The following ADORA2B variants were observed in gnomAD, a reference collection of about 807,000 sequenced individuals.
ADORA2B encodes the protein adenosine A2b receptor.
Under a neutral mutation model 20.8 loss-of-function variants are expected in ADORA2B, and 18 were observed. The ratio of observed to expected loss-of-function variants is 0.87; its 90% CI spans 0.60 to 1.29. The LOEUF (loss-of-function observed/expected upper bound fraction) is 1.29. ADORA2B is among the 50% of genes most tolerant of loss of function. ADORA2B has a pLI of 0.00. For synonymous variants in ADORA2B, 179 were observed against 178.3 expected, an observed-to-expected ratio of 1.00 and a Z score of -0.03; for missense variants, 441 against 422.7, an observed-to-expected ratio of 1.04 and a Z score of -0.38.
At chr17:15,955,987 T>C (rs901239671) in intron 1 of ADORA2B, among the ~76,000 whole-genome samples, 1 of 152,164 alleles carries the variant, frequency 6.6e-6, no homozygotes, top group African/African-American at 2.4e-5. Context: ...CCATAAATGC[T>C]GGGATTACAG....
At chr17:15,851,643 A>G in the ADORA2B span, among the ~76,000 whole-genome samples, 17 of 152,184 alleles carry the variant, frequency 1.1e-4, no homozygotes, top group African/African-American at 3.9e-4. Flanking sequence ...TTTGACAGAA[A>G]CTAGGCCACT....
chr17:15,874,082 G>A, the ADORA2B span, among the ~76,000 whole-genome samples: 1,546 of 137,570 alleles, frequency 0.011, 43 homozygotes, highest in African/African-American at 0.041. Context: ...ATATATATAT[G>A]TATATATATG....
chr17:15,948,421 T>G (rs1597845782), intron 1 of ADORA2B, among the ~76,000 whole-genome samples: 2 of 15,886 alleles, frequency 1.3e-4, no homozygotes, highest in South Asian at 5.3e-3. Context: ...CAGTCCCCAG[T>G]GGTGCCGACG....
the ADORA2B span, among the ~76,000 whole-genome samples, chr17:15,878,184 T>TACACAC: frequency 0.012 from 1,717 of 143,886 alleles, 13 homozygotes; most frequent in Non-Finnish European, 0.017. Context: ...TGTGTGTGTA[T>TACACAC]ACACACACAC....
chr17:15,894,910 A>G, the ADORA2B span, among the ~76,000 whole-genome samples: 1,508 of 152,264 alleles, frequency 9.9e-3, 22 homozygotes, highest in African/African-American at 0.034. Context: ...CAGAATCAGT[A>G]GGATACTGGG....
the ADORA2B span, among the ~76,000 whole-genome samples, chr17:15,857,053 A>C: frequency 1.3e-5 from 2 of 152,212 alleles, no homozygotes; most frequent in African/African-American, 4.8e-5. Context: ...GCCTGGGCCC[A>C]GGGCCGCCCT....
At chr17:15,868,879 TAATA>T in the ADORA2B span, among the ~76,000 whole-genome samples, 19 of 151,034 alleles carry the variant, frequency 1.3e-4, no homozygotes, top group South Asian at 6.3e-4. Context: ...TATTTAAAAA[TAATA>T]AATATAGTTT....
chr17:15,975,499 A>G lies in ADORA2B; in HGVS notation c.*157A>G, dbSNP rs908293223. On this transcript the variant is annotated 3_prime_UTR_variant, in exon 2 of 2. Coordinates refer to ENST00000304222, the MANE Select transcript of ADORA2B (RefSeq NM_000676.4). ...GCTACCACGTATCTAGCTAATATGTATGTGTCAGTAGTAGGCTCCAAGGAT... is the reference window on the plus strand; with the variant it reads ...GCTACCACGTATCTAGCTAATATGTGTGTGTCAGTAGTAGGCTCCAAGGAT... 5 of 676,784 alleles carry G rather than the reference A, an allele frequency of 7.4e-6. No individual in the cohort carries two copies. In the African/African-American group the frequency reaches 9.0e-5, roughly 12 times the overall value. The allele number at this position is 676,784 out of a possible 1,614,324, so 41.9% of individuals were successfully genotyped here. A position where few individuals can be genotyped will look rare whatever the true frequency, so the allele number is the denominator to read the frequency against.
the ADORA2B span, among the ~76,000 whole-genome samples, chr17:15,894,383 C>T: frequency 1.8e-4 from 27 of 152,172 alleles, no homozygotes; most frequent in Non-Finnish European, 3.4e-4. Context: ...ATGTCAAAAT[C>T]GGTGTCAGAA....
the ADORA2B span, among the ~76,000 whole-genome samples, chr17:15,885,398 G>A: frequency 6.6e-6 from 1 of 152,268 alleles, no homozygotes; most frequent in African/African-American, 2.4e-5. Context: ...GGATTTTGTG[G>A]TTTGCAAACC....
At chr17:15,877,582 G>T in the ADORA2B span, among the ~76,000 whole-genome samples, 1 of 152,080 alleles carries the variant, frequency 6.6e-6, no homozygotes, top group Non-Finnish European at 1.5e-5. Flanking sequence ...AGGCCTGGGG[G>T]TGGAGAATGA....
chr17:15,869,491 A>G, the ADORA2B span, among the ~76,000 whole-genome samples: 2 of 152,180 alleles, frequency 1.3e-5, no homozygotes, highest in Non-Finnish European at 2.9e-5. Flanking sequence ...CAAAGGTTAT[A>G]TTATGACCTA....
chr17:15,962,158 C>T (rs1164549442), intron 1 of ADORA2B, among the ~76,000 whole-genome samples: 3 of 152,092 alleles, frequency 2.0e-5, no homozygotes, highest in Non-Finnish European at 2.9e-5. Context: ...CAAAAATTAG[C>T]TGAGCATGTT....
the ADORA2B span, among the ~76,000 whole-genome samples, chr17:15,923,410 T>A: frequency 1.2e-4 from 17 of 144,038 alleles, no homozygotes; most frequent in African/African-American, 4.1e-4. Flanking sequence ...TATATATATT[T>A]TTTTTTTCTT....
chr17:15,952,396 C>T (rs1311858187), intron 1 of ADORA2B, among the ~76,000 whole-genome samples: 1 of 152,134 alleles, frequency 6.6e-6, no homozygotes, highest in Non-Finnish European at 1.5e-5. Flanking sequence ...ATGGAGTTAT[C>T]TTCACCACCT....
chr17:15,908,064 A>G, the ADORA2B span, among the ~76,000 whole-genome samples: 2 of 152,066 alleles, frequency 1.3e-5, no homozygotes, highest in Admixed American at 1.3e-4. Context: ...AATCATCTTA[A>G]TCGTTAAATT....
intron 1 of ADORA2B, among the ~76,000 whole-genome samples, chr17:15,960,255 A>T (rs1275877479): frequency 2.5e-5 from 2 of 80,728 alleles, no homozygotes; most frequent in African/African-American, 7.8e-5. Flanking sequence ...TTTGGCCATT[A>T]AAAAAAGGCA....
the ADORA2B span, among the ~76,000 whole-genome samples, chr17:15,900,422 T>TA: frequency 2.0e-5 from 3 of 152,080 alleles, no homozygotes; most frequent in African/African-American, 7.2e-5. Context: ...CAGCATCTGT[T>TA]ATATTTTGAC....
chr17:15,948,638 T>A (rs1297740313), intron 1 of ADORA2B, among the ~76,000 whole-genome samples: 1 of 152,134 alleles, frequency 6.6e-6, no homozygotes, highest in African/African-American at 2.4e-5. Flanking sequence ...CCTGTGGCAT[T>A]GAGTCTCTGG....
Sources: allele counts gnomAD v4.1 joint callset (sites outside exome capture counted in the v4.1 genomes callset), GRCh38; gene constraint gnomAD v4.1.1; transcripts MANE v1.5; gene names NCBI Gene and HGNC (gene_info 2026-07-23, HGNC 2026-07-21).